Variants in EYA1 observed in about 807,000 individuals in gnomAD.
The protein encoded by EYA1 is protein phosphatase EYA1.
In EYA1, 16 loss-of-function variants were observed where a neutral mutation model predicts 82.0. That is an observed-to-expected ratio of 0.20 (90% CI 0.13 to 0.30). The LOEUF is 0.30. Ranked by LOEUF, EYA1 falls within the 10% of genes least tolerant of loss-of-function variation. EYA1 has a pLI of 1.00. For synonymous variants in EYA1, 261 were observed against 264.4 expected, an observed-to-expected ratio of 0.99 and a Z score of 0.12; for missense variants, 633 against 730.7, an observed-to-expected ratio of 0.87 and a Z score of 1.54.
At chr8:71,353,128 A>G (rs1826471001) in intron 3 of EYA1, among the ~76,000 whole-genome samples, 1 of 152,214 alleles carries the variant, frequency 6.6e-6, no homozygotes, top group South Asian at 2.1e-4. Flanking sequence ...GGACTTCACA[A>G]TGATGGAAAT....
intron 12 of EYA1, among the ~76,000 whole-genome samples, chr8:71,226,126 G>A (rs1031854746): frequency 6.6e-6 from 1 of 152,034 alleles, no homozygotes; most frequent in Admixed American, 6.6e-5. Context: ...ATAAAATTAT[G>A]GTAAATATTT....
chr8:71,290,803 A>AAAAGAAAGAAAG (rs59515569), intron 9 of EYA1, among the ~76,000 whole-genome samples: 1 of 151,280 alleles, frequency 6.6e-6, no homozygotes, highest in Non-Finnish European at 1.5e-5. Context: ...CCTCTGGGAA[A>AAAAGAAAGAAAG]AAAGAAAGAA....
intron 2 of EYA1, among the ~76,000 whole-genome samples, chr8:71,517,926 A>G (rs193228335): frequency 6.6e-6 from 1 of 151,928 alleles, no homozygotes; most frequent in East Asian, 1.9e-4. Flanking sequence ...ACTATTGTCT[A>G]AACTAGCAGT....
intron 17 of EYA1, among the ~76,000 whole-genome samples, chr8:71,202,568 C>G (rs1326924095): frequency 1.3e-5 from 2 of 152,136 alleles, no homozygotes; most frequent in Admixed American, 1.3e-4. Context: ...ATAAAACTTC[C>G]TGTAGTATAT....
rs1284593952 is a variant in EYA1 at position 71,518,015 on chromosome 8, G to GTGCTTTAC, written c.33+17721_33+17728dup. 1.3e-4 allele frequency among the ~76,000 whole-genome samples: 20 copies of GTGCTTTAC among 151,718 alleles called. No individual in the cohort carries two copies. In the East Asian group the frequency reaches 3.9e-3, roughly 29 times the overall value. ...CGTATCTATACTTTATAGACAAATT[G>GTGCTTTAC]TGCTTTACTAACATATTACATATAA... On this transcript the variant is annotated intron_variant, in intron 2 of 18. Coordinates refer to the EYA1 transcript ENST00000643681.
At chr8:71,421,340 T>C (rs1480052589) in intron 2 of EYA1, among the ~76,000 whole-genome samples, 1 of 152,128 alleles carries the variant, frequency 6.6e-6, no homozygotes, top group African/African-American at 2.4e-5. Flanking sequence ...ACTGGACACT[T>C]CCTAGTCCCA....
At chr8:71,397,656 C>A (rs1829707896) in intron 2 of EYA1, among the ~76,000 whole-genome samples, 1 of 152,212 alleles carries the variant, frequency 6.6e-6, no homozygotes, top group Non-Finnish European at 1.5e-5. Context: ...GCTGAGAGAT[C>A]CACTGTTAGT....
intron 2 of EYA1, chr8:71,403,887 G>T (rs1452566967): frequency 6.6e-6 from 1 of 152,200 alleles, no homozygotes; most frequent in Admixed American, 6.5e-5. Flanking sequence ...GGATGGGAAT[G>T]GGAGGAGGTG....
intron 12 of EYA1, among the ~76,000 whole-genome samples, chr8:71,226,154 G>T (rs1036271434): frequency 1.3e-5 from 2 of 152,048 alleles, no homozygotes; most frequent in African/African-American, 4.8e-5. Flanking sequence ...CTAAGTAAAG[G>T]CTTCCAGGAT....
chr8:71,395,939 T>C (rs1829579791), intron 2 of EYA1, among the ~76,000 whole-genome samples: 1 of 152,224 alleles, frequency 6.6e-6, no homozygotes, highest in Admixed American at 6.5e-5. Context: ...TTTTGGTTGG[T>C]AGGCTATTAA....
intron 9 of EYA1, among the ~76,000 whole-genome samples, chr8:71,290,731 T>C (rs954765742): frequency 6.6e-6 from 1 of 152,082 alleles, no homozygotes; most frequent in Non-Finnish European, 1.5e-5. Context: ...TTTCTCACAG[T>C]ATAAAACAAA....
chr8:71,366,554 A>G (rs1740989806), upstream of EYA1, among the ~76,000 whole-genome samples: 1 of 152,168 alleles, frequency 6.6e-6, no homozygotes. Context: ...GAGGATCTGG[A>G]AATTTGCTTT....
chr8:71,361,562 A>AT (rs1827378207), intron 1 of EYA1, 85 bp downstream of exon 1: 1 of 648,266 alleles, frequency 1.5e-6, no homozygotes, highest in Non-Finnish European at 1.9e-6. Flanking sequence ...AACAATAATA[A>AT]AAGCGCTCCT....
intron 2 of EYA1, among the ~76,000 whole-genome samples, chr8:71,413,604 T>C (rs1214385962): frequency 6.6e-6 from 1 of 152,224 alleles, no homozygotes; most frequent in Non-Finnish European, 1.5e-5. Context: ...ACAAATTATA[T>C]AAATAGCCAT....
chr8:71,524,822 C>G (rs560404774), intron 2 of EYA1, among the ~76,000 whole-genome samples: 1 of 152,028 alleles, frequency 6.6e-6, no homozygotes, highest in East Asian at 1.9e-4. Flanking sequence ...ATGAAAAAAA[C>G]CAATTAAATA....
rs1806553476 is a variant in EYA1, at chr8:71,198,717, T to C, written c.*623A>G. 6.3e-6 allele frequency: 1 copy of C among 157,774 alleles called. No homozygotes were observed. The highest frequency in any genetic ancestry group is 6.1e-5 in the Admixed American group (1 of 16,458). The allele number at this position is 157,774 out of a possible 1,614,324, so 9.8% of individuals were successfully genotyped here. A position where few individuals can be genotyped will look rare whatever the true frequency, so the allele number is the denominator to read the frequency against. The stretch of plus-strand genomic sequence containing the variant: ...GTGCTAAAATTCAAAGTACTGTACT[T>C]GCCATGTTGTGAGGCAGAGGCCTTT... On this transcript the variant is annotated 3_prime_UTR_variant, in exon 18 of 18. Transcript: ENST00000340726.
chr8:71,205,826 A>C (rs1053458679), intron 17 of EYA1, among the ~76,000 whole-genome samples: 2 of 152,222 alleles, frequency 1.3e-5, no homozygotes, highest in African/African-American at 4.8e-5. Context: ...GATCTCTACA[A>C]GGGAAAGAAG....
At chr8:71,455,869 C>G (rs1318475584) in intron 2 of EYA1, among the ~76,000 whole-genome samples, 1 of 152,124 alleles carries the variant, frequency 6.6e-6, no homozygotes, top group Non-Finnish European at 1.5e-5. Flanking sequence ...CCCTGTCTCA[C>G]CACTCCTATT....
chr8:71,425,686 T>C (rs1446995333), intron 2 of EYA1, among the ~76,000 whole-genome samples: 1 of 152,002 alleles, frequency 6.6e-6, no homozygotes, highest in East Asian at 1.9e-4. Context: ...CTCCCTTGAA[T>C]CCTTAGTGTG....
Sources: gnomAD v4.1 joint callset for allele counts (sites outside exome capture counted in the v4.1 genomes callset) on GRCh38, gnomAD v4.1.1 for gene constraint, MANE v1.5 for transcripts, NCBI Gene and HGNC (gene_info 2026-07-23, HGNC 2026-07-21) for gene names.